The following EEA1 variants were observed in gnomAD, a reference collection of about 807,000 sequenced individuals.
EEA1 encodes early endosome antigen 1, 162kD.
Under a neutral mutation model 209.2 loss-of-function variants are expected in EEA1, and 111 were observed. The ratio of observed to expected loss-of-function variants is 0.53; its 90% CI spans 0.45 to 0.62. EEA1 has a LOEUF of 0.62. EEA1 is among the 20% of genes least tolerant of loss of function. The pLI, the probability that EEA1 is intolerant of heterozygous loss-of-function variation, is 0.00. For synonymous variants in EEA1, 536 were observed against 540.6 expected (o/e 0.99, Z 0.12); for missense variants, 1,343 against 1,530.8 (o/e 0.88, Z 2.05).
In EEA1 at chr12:92,835,898, T is replaced by C. The variant is rs143812364; in HGVS notation, c.916-3048A>G. Reference sequence around the variant, plus strand: ...TAAAAGAATCTAATCCACTCACACTTTGTAATTTTTACAGGCAAAAGACTA... The same window carrying C: ...TAAAAGAATCTAATCCACTCACACTCTGTAATTTTTACAGGCAAAAGACTA... On this transcript the variant is annotated intron_variant, in intron 10 of 28. Coordinates refer to ENST00000322349, the MANE Select transcript of EEA1 (RefSeq NM_003566.4). 5.8e-3 allele frequency among the ~76,000 whole-genome samples: 882 copies of C among 152,296 alleles called. 7 individuals are homozygous for C. The highest frequency in any genetic ancestry group is 0.02 in the African/African-American group (832 of 41,556).
chr12:92,804,343 T>C (rs1260633565), intron 18 of EEA1, among the ~76,000 whole-genome samples: 1 of 151,904 alleles, frequency 6.6e-6, no homozygotes, highest in Non-Finnish European at 1.5e-5. Context: ...GAGGCCAAGG[T>C]GGGCGGATCA....
Position 92,780,390 on chromosome 12 carries a change from C to T in EEA1, c.3358G>A (p.Val1120Ile). The T allele has an allele frequency of 6.5e-7, 1 of 1,550,252 alleles. No individual in the cohort carries two copies. The highest frequency in any genetic ancestry group is 8.8e-7 in the Non-Finnish European group (1 of 1,142,706). The change falls in exon 24 of 29, where the codon GTA (valine) becomes ATA (isoleucine). Residue 1120 changes from valine to isoleucine, a missense_variant. This residue lies in a region of EEA1 where 1,307 missense variants were observed against 1,465.5 expected (regional missense o/e 0.89). Transcript: ENST00000322349. ...KEKSLKEKEL[V>I]NEKSKLAEIE... is the part of the protein sequence containing the mutation. The stretch of plus-strand genomic sequence containing the variant: ...TCTGCCAATTTAGACTTCTCATTTA[C>T]CAGTTCTTTTTCTTTCAGTGACTGT...
At chr12:92,864,672 A>AT (rs1286631716) in intron 3 of EEA1, among the ~76,000 whole-genome samples, 188 bp downstream of exon 3, 1 of 152,190 alleles carries the variant, frequency 6.6e-6, no homozygotes, top group Non-Finnish European at 1.5e-5. Context: ...ACTTGCTGGC[A>AT]TAGATAGTTA....
At chr12:92,907,630 T>C (rs906104565) in intron 1 of EEA1, among the ~76,000 whole-genome samples, 1 of 152,180 alleles carries the variant, frequency 6.6e-6, no homozygotes, top group East Asian at 1.9e-4. Flanking sequence ...TACCTCTACA[T>C]CCACATTTGT....
At chr12:92,813,981 C>A (rs932706909) in intron 15 of EEA1, among the ~76,000 whole-genome samples, 3 of 151,654 alleles carry the variant, frequency 2.0e-5, no homozygotes, top group Non-Finnish European at 4.4e-5. Flanking sequence ...CCACTGCACT[C>A]CAGCCTGGCG....
chr12:92,890,479 T>C (rs1199753180), intron 2 of EEA1, among the ~76,000 whole-genome samples: 7 of 152,208 alleles, frequency 4.6e-5, no homozygotes, highest in African/African-American at 1.2e-4. Flanking sequence ...AAGAGACAGA[T>C]TTCAAAACAA....
intron 1 of EEA1, among the ~76,000 whole-genome samples, chr12:92,912,994 T>A (rs1880633073): frequency 6.6e-6 from 1 of 152,232 alleles, no homozygotes; most frequent in Non-Finnish European, 1.5e-5. Flanking sequence ...CAAAGTGCCA[T>A]GATAAATAGC....
chr12:92,852,915 C>T lies in EEA1; in HGVS notation c.517G>A (p.Ala173Thr), dbSNP rs1232296171. The change falls in exon 7 of 29, where the codon GCA (alanine) becomes ACA (threonine). Residue 173 changes from alanine to threonine, a missense_variant. Physicochemically the swap from Ala to Thr is moderately conservative, Grantham distance 58 (BLOSUM62 0). Transcript: ENST00000322349. ...AAAAAATTCTAACTCAATTTACCTG[C>T]AATTTCAGTAGCAAGTTGGGCTGCT... ...QKAAQLATEI[A>T]DIKSKYDEER... The T allele has an allele frequency of 6.2e-7, 1 of 1,605,338 alleles. No homozygotes were observed.
chr12:92,779,372 G>A (rs184172523), intron 24 of EEA1, 72 bp from the exon 25 acceptor site: 2 of 1,380,596 alleles, frequency 1.4e-6, no homozygotes, highest in East Asian at 5.1e-5. Context: ...TAAAATTTAT[G>A]CAATTTATCA....
At chr12:92,813,505 CA>C (rs1875624132) in intron 15 of EEA1, among the ~76,000 whole-genome samples, 1 of 152,154 alleles carries the variant, frequency 6.6e-6, no homozygotes, top group African/African-American at 2.4e-5. Flanking sequence ...TTCAATGACT[CA>C]AAACAGCCAG....
In EEA1 at chr12:92,832,782, T is replaced by G; in HGVS notation, c.984A>C (p.Glu328Asp). The G allele has an allele frequency of 6.2e-7, 1 of 1,613,910 alleles. No individual in the cohort carries two copies. Among genetic ancestry groups the G allele is most frequent in the South Asian group, 1.1e-5 (1 of 91,076 alleles). Residue 328 changes from glutamate to aspartate, a missense_variant, in exon 11 of 29, where the codon GAA becomes GAC. Physicochemically the swap from Glu to Asp is conservative, Grantham distance 45. Around this residue, in one of 3 missense-constraint regions of EEA1, gnomAD observed 1,307 missense variants for 1,465.5 expected, o/e 0.89. Coordinates refer to ENST00000322349, the MANE Select transcript of EEA1 (RefSeq NM_003566.4). ...CCTGAATATTCTTTTTACTCACAGATTCTTCATTATGTTTCTCCTCTAACT... is the reference window on the plus strand; with the variant it reads ...CCTGAATATTCTTTTTACTCACAGAGTCTTCATTATGTTTCTCCTCTAACT... Reference protein sequence around the residue: ...YTKLEEKHNEESVSKKNIQAT... With the variant: ...YTKLEEKHNEDSVSKKNIQAT...
At chr12:92,880,367 C>T (rs1035170886) in intron 2 of EEA1, among the ~76,000 whole-genome samples, 1 of 152,136 alleles carries the variant, frequency 6.6e-6, no homozygotes, top group Admixed American at 6.5e-5. Flanking sequence ...TGCAGTAGTG[C>T]AATCTCGGCT....
chr12:92,829,867 T>C (rs1035301853), intron 11 of EEA1, among the ~76,000 whole-genome samples: 2 of 148,094 alleles, frequency 1.4e-5, no homozygotes, highest in Admixed American at 6.7e-5. Context: ...ACCCGAAGAG[T>C]TCAGAGTCTA....
intron 3 of EEA1, 39 bp from the exon 4 acceptor site, chr12:92,857,524 C>A: frequency 7.3e-7 from 1 of 1,366,520 alleles, no homozygotes; most frequent in Non-Finnish European, 1.0e-6. Flanking sequence ...TAGTCAATGT[C>A]CTTTAATTAA....
At chr12:92,818,898 A>G (rs903812074) in intron 14 of EEA1, among the ~76,000 whole-genome samples, 1 of 152,228 alleles carries the variant, frequency 6.6e-6, no homozygotes, top group Non-Finnish European at 1.5e-5. Flanking sequence ...AAGTCTGTAT[A>G]TTAATCAATA....
intron 7 of EEA1, among the ~76,000 whole-genome samples, chr12:92,852,634 C>A (rs1368719989): frequency 2.6e-5 from 4 of 152,012 alleles, no homozygotes; most frequent in Non-Finnish European, 4.4e-5. Flanking sequence ...TTAAAATGTT[C>A]CTTTTTAATC....
intron 17 of EEA1, among the ~76,000 whole-genome samples, chr12:92,810,312 A>C (rs1875426669): frequency 6.6e-6 from 1 of 152,172 alleles, no homozygotes; most frequent in Non-Finnish European, 1.5e-5. Flanking sequence ...GTTAGAGCTG[A>C]TAATCACAAT....
chr12:92,835,454 C>CAGG (rs1283716208), intron 10 of EEA1: 1 of 222,152 alleles, frequency 4.5e-6, no homozygotes, highest in South Asian at 3.1e-5. Context: ...CTCTGTCGCC[C>CAGG]AGGTGGGAGT....
chr12:92,780,300 G>A lies in EEA1; in HGVS notation c.3448C>T (p.His1150Tyr), dbSNP rs1318411020. The change falls in exon 24 of 29, where the codon CAC (histidine) becomes TAC (tyrosine). Residue 1150 changes from histidine to tyrosine, a missense_variant. This residue lies in a region of EEA1 where 1,307 missense variants were observed against 1,465.5 expected (regional missense o/e 0.89). Transcript: ENST00000322349. ...CATACCTTTATGCTTTCTAGTTTGTGGGACTTGAGTTCTTCGTTTAGTTTA... is the reference window on the plus strand; with the variant it reads ...CATACCTTTATGCTTTCTAGTTTGTAGGACTTGAGTTCTTCGTTTAGTTTA... ...ITKLNEELKS[H>Y]KLESIKEITN... is the part of the protein sequence containing the mutation. 1.3e-6 allele frequency: 2 copies of A among 1,597,886 alleles called. No individual in the cohort carries two copies. Among genetic ancestry groups the A allele is most frequent in the South Asian group, 1.1e-5 (1 of 87,092 alleles).
Sources: gnomAD v4.1 joint callset for allele counts (sites outside exome capture counted in the v4.1 genomes callset) on GRCh38, gnomAD v4.1.1 for gene constraint, gnomAD v4.1.1 regional missense constraint, MANE v1.5 for transcripts, NCBI Gene and HGNC (gene_info 2026-07-23, HGNC 2026-07-21) for gene names.